GSDMC: variants seen among roughly 807,000 people sequenced by gnomAD.
GSDMC encodes gasdermin-C.
In GSDMC, 59 loss-of-function variants were observed where a neutral mutation model predicts 58.0. That is an observed-to-expected ratio of 1.02 (90% CI 0.82 to 1.26). The LOEUF (loss-of-function observed/expected upper bound fraction) is 1.26. Ranked by LOEUF, GSDMC falls within the 50% of genes most tolerant of loss-of-function variation. The pLI is 0.00. For missense variants in GSDMC, 659 were observed against 598.5 expected (o/e 1.10, Z -1.06); for synonymous variants, 241 against 220.2 (o/e 1.09, Z -0.83).
At chr8:129,747,413 GA>G (rs1336687287), downstream of GSDMC, among the ~76,000 whole-genome samples, 6 of 152,144 alleles carry the variant, frequency 3.9e-5, no homozygotes, top group East Asian at 1.2e-3. Flanking sequence ...TTTTTTAGCA[GA>G]AAAAAAGTAA....
At chr8:129,747,426 C>T (rs1319135230), downstream of GSDMC, among the ~76,000 whole-genome samples, 1 of 151,982 alleles carries the variant, frequency 6.6e-6, no homozygotes, top group East Asian at 1.9e-4. Context: ...AAAAAGTAAA[C>T]ACTGTTTAAA....
chr8:129,768,709 G>A (rs532714368), intron 3 of GSDMC, among the ~76,000 whole-genome samples: 50 of 151,058 alleles, frequency 3.3e-4, no homozygotes, highest in Middle Eastern at 6.8e-3. Flanking sequence ...TGGCACTTAT[G>A]GGACACCATC....
At chr8:129,782,596 T>C (rs2034446208) in intron 1 of GSDMC, among the ~76,000 whole-genome samples, 1 of 152,096 alleles carries the variant, frequency 6.6e-6, no homozygotes, top group Non-Finnish European at 1.5e-5. Flanking sequence ...CACCAATAAA[T>C]TGGAAAATCT....
At chr8:129,760,705 C>A (rs2033626982) in intron 5 of GSDMC, 116 bp from the exon 6 acceptor site, 1 of 628,160 alleles carries the variant, frequency 1.6e-6, no homozygotes, top group East Asian at 2.7e-5. Flanking sequence ...TGACCACTGG[C>A]CTCACTCTGT....
intron 11 of GSDMC, 142 bp downstream of exon 11, chr8:129,750,289 G>T (rs2033131193): frequency 9.5e-7 from 1 of 1,051,784 alleles, no homozygotes; most frequent in Middle Eastern, 3.2e-4. Context: ...GGCCCATTGT[G>T]CCCGGCACCA....
chr8:129,765,904 C>T (rs1563802686), intron 3 of GSDMC, 111 bp from the exon 4 acceptor site: 1 of 757,908 alleles, frequency 1.3e-6, no homozygotes, highest in Non-Finnish European at 2.1e-6. Context: ...TGGCTTTGGA[C>T]CCTGACAGGT....
At chr8:129,734,612 A>G in the GSDMC span, among the ~76,000 whole-genome samples, 1 of 152,222 alleles carries the variant, frequency 6.6e-6, no homozygotes, top group Non-Finnish European at 1.5e-5. Flanking sequence ...AACCCTTTAC[A>G]GACAAGCAAA....
intron 11 of GSDMC, 149 bp downstream of exon 11, chr8:129,750,282 C>T (rs2033130805): frequency 9.8e-7 from 1 of 1,024,374 alleles, no homozygotes. Flanking sequence ...CTTCCCTGGC[C>T]CATTGTGCCC....
intron 7 of GSDMC, 108 bp downstream of exon 7, chr8:129,752,590 G>A (rs2033254034): frequency 6.8e-7 from 1 of 1,471,550 alleles, no homozygotes; most frequent in Non-Finnish European, 9.1e-7. Flanking sequence ...TGGTGCAATA[G>A]AAGCCTACAT....
the GSDMC span, among the ~76,000 whole-genome samples, chr8:129,734,058 G>A: frequency 2.0e-5 from 3 of 152,184 alleles, no homozygotes; most frequent in African/African-American, 7.2e-5. Flanking sequence ...ATTCAATCAA[G>A]AGGAAGAAAG....
At chr8:129,719,424 G>T in the GSDMC span, among the ~76,000 whole-genome samples, 1 of 152,120 alleles carries the variant, frequency 6.6e-6, no homozygotes, top group Admixed American at 6.5e-5. Context: ...TACAATTATG[G>T]TGTAAGATTT....
chr8:129,736,066 T>C, the GSDMC span, among the ~76,000 whole-genome samples: 5 of 152,238 alleles, frequency 3.3e-5, no homozygotes, highest in East Asian at 9.6e-4. Context: ...AAGAAATGGA[T>C]AAATTCCTGG....
At chr8:129,767,088 G>A (rs991437168) in intron 3 of GSDMC, among the ~76,000 whole-genome samples, 2 of 152,128 alleles carry the variant, frequency 1.3e-5, no homozygotes, top group African/African-American at 4.8e-5. Context: ...ATGGTAGGCA[G>A]TTTCTGTCTG....
chr8:129,762,540 A>G, intron 5 of GSDMC, 86 bp downstream of exon 5: 1 of 829,594 alleles, frequency 1.2e-6, no homozygotes, highest in Non-Finnish European at 2.1e-6. Context: ...GTTGCATACT[A>G]TGGTTATTTT....
chr8:129,775,958 T>C (rs540431438), intron 3 of GSDMC, 144 bp downstream of exon 3: 4 of 620,986 alleles, frequency 6.4e-6, no homozygotes, highest in Non-Finnish European at 8.4e-6. Context: ...GAGGTATGAA[T>C]ACTCAAGAAG....
At chr8:129,719,956 A>G in the GSDMC span, among the ~76,000 whole-genome samples, 1 of 152,180 alleles carries the variant, frequency 6.6e-6, no homozygotes, top group Non-Finnish European at 1.5e-5. Context: ...AAATAAATAA[A>G]TAAGTAAATA....
chr8:129,762,684 A>G lies in GSDMC; in HGVS notation c.618T>C (p.Thr206=), dbSNP rs752431668. 6 of 1,613,908 alleles carry G rather than the reference A, an allele frequency of 3.7e-6. No individual in the cohort carries two copies. The African/African-American group carries it at 4.0e-5, about 11-fold the overall frequency. Residue 206 remains threonine (T), a synonymous_variant, in exon 5 of 14, where the codon ACT becomes ACC. Coordinates refer to ENST00000276708, the MANE Select transcript of GSDMC (RefSeq NM_031415.3). ...AAGCCATCACCATGCCTTTCTGAAG[A>G]GTCAGCGCCTTCTTCTTCACTCTGA... ...ESLRVKKKAL[T]LQKGMVMAYK...
At chr8:129,767,887 T>C (rs1459726729) in intron 3 of GSDMC, among the ~76,000 whole-genome samples, 1 of 152,144 alleles carries the variant, frequency 6.6e-6, no homozygotes, top group Non-Finnish European at 1.5e-5. Flanking sequence ...TGCCCAATTA[T>C]ATACCCTGAA....
At chr8:129,717,659 G>GA in the GSDMC span, among the ~76,000 whole-genome samples, 8 of 151,808 alleles carry the variant, frequency 5.3e-5, no homozygotes, top group Admixed American at 1.3e-4. Context: ...CACAGAATTA[G>GA]AAAAAAACTA....
Sources: gnomAD v4.1 joint callset for allele counts (sites outside exome capture counted in the v4.1 genomes callset) on GRCh38, gnomAD v4.1.1 for gene constraint, MANE v1.5 for transcripts, NCBI Gene and HGNC (gene_info 2026-07-23, HGNC 2026-07-21) for gene names.